Variants in SLC17A8 observed in about 807,000 individuals in gnomAD.
SLC17A8 encodes vesicular glutamate transporter 3.
A neutral mutation model predicts 58.0 loss-of-function variants in SLC17A8; 31 were observed. The observed-to-expected ratio is 0.53, with a 90% CI of 0.40 to 0.72. The LOEUF (loss-of-function observed/expected upper bound fraction) is 0.72. SLC17A8 is among the 30% of genes least tolerant of loss of function. The pLI, the probability that SLC17A8 is intolerant of heterozygous loss-of-function variation, is 0.00. For missense variants in SLC17A8, 655 were observed against 727.8 expected (o/e 0.90, Z 1.15); for synonymous variants, 228 against 249.0 (o/e 0.92, Z 0.79).
At chr12:100,408,663 C>T (rs1952843567) in intron 9 of SLC17A8, among the ~76,000 whole-genome samples, 2 of 152,056 alleles carry the variant, frequency 1.3e-5, no homozygotes, top group South Asian at 4.1e-4. Flanking sequence ...TTTTTTCTTA[C>T]AGATGAACTG....
At chr12:100,365,583 G>A (rs145920092) in intron 1 of SLC17A8, among the ~76,000 whole-genome samples, 20 of 152,306 alleles carry the variant, frequency 1.3e-4, no homozygotes, top group African/African-American at 4.3e-4. Context: ...ACCCAAAGAG[G>A]TCTGCCAACC....
intron 1 of SLC17A8, among the ~76,000 whole-genome samples, chr12:100,370,278 A>ATCTAAATT (rs1952550054): frequency 6.6e-6 from 1 of 151,054 alleles, no homozygotes; most frequent in Admixed American, 6.6e-5. Context: ...CTGTCAATTA[A>ATCTAAATT]TCTAAATTTA....
chr12:100,415,162 T>C (rs1424099855), intron 10 of SLC17A8, among the ~76,000 whole-genome samples: 1 of 151,310 alleles, frequency 6.6e-6, no homozygotes, highest in Admixed American at 6.6e-5. Context: ...TTTGTTTTCC[T>C]TTTTTTTTAG....
At position 100,380,922 on chromosome 12, in the gene SLC17A8, C is replaced by A. The variant is rs1212155738; in HGVS notation, c.323C>A (p.Thr108Asn). ...VAIVEMVNNS[T>N]VYVDGKPEIQ... is the part of the protein sequence containing the mutation. Reference sequence around the variant, plus strand: ...ATTGTGGAAATGGTCAACAATAGCACCGTATATGTTGATGGAAAACCGGAA... The same window carrying A: ...ATTGTGGAAATGGTCAACAATAGCAACGTATATGTTGATGGAAAACCGGAA... Residue 108 changes from threonine to asparagine, a missense_variant, in exon 2 of 12, where the codon ACC becomes AAC. Thr to Asn is a moderately conservative substitution (Grantham distance 65). Coordinates refer to ENST00000323346, the MANE Select transcript of SLC17A8 (RefSeq NM_139319.3). 6.2e-7 allele frequency: 1 copy of A among 1,614,082 alleles called. No individual in the cohort carries two copies. The highest frequency in any genetic ancestry group is 8.5e-7 in the Non-Finnish European group (1 of 1,180,032).
chr12:100,393,338 T>A, intron 3 of SLC17A8, 31 bp from the exon 4 acceptor site: 1 of 1,510,650 alleles, frequency 6.6e-7, no homozygotes, highest in Admixed American at 1.7e-5. Flanking sequence ...TCAGCAGACC[T>A]GCCGAATAAC....
intron 5 of SLC17A8, among the ~76,000 whole-genome samples, chr12:100,397,835 C>G (rs368733241): frequency 2.6e-5 from 4 of 151,804 alleles, no homozygotes; most frequent in African/African-American, 7.3e-5. Context: ...CCCAGCTACT[C>G]AGGAGGCCAA....
chr12:100,403,061 CT>C (rs1418718854), intron 8 of SLC17A8, among the ~76,000 whole-genome samples: 7 of 152,240 alleles, frequency 4.6e-5, no homozygotes, highest in Non-Finnish European at 8.8e-5. Context: ...TGTGGGTTTT[CT>C]TTTTTTCCTG....
intron 1 of SLC17A8, among the ~76,000 whole-genome samples, chr12:100,361,697 C>T (rs1365478954): frequency 1.3e-5 from 2 of 152,168 alleles, no homozygotes; most frequent in African/African-American, 4.8e-5. Context: ...TGTGGTGGCT[C>T]ATGCCTATAA....
At chr12:100,394,059 A>G (rs775822325) in intron 4 of SLC17A8, among the ~76,000 whole-genome samples, 2 of 152,208 alleles carry the variant, frequency 1.3e-5, no homozygotes, top group African/African-American at 4.8e-5. Flanking sequence ...TGAACTTCAT[A>G]TGATTGTTGT....
intron 2 of SLC17A8, among the ~76,000 whole-genome samples, chr12:100,382,778 A>G (rs1004267020): frequency 6.6e-6 from 1 of 152,210 alleles, no homozygotes; most frequent in Non-Finnish European, 1.5e-5. Flanking sequence ...CTTTCATGCC[A>G]TATCTATTAG....
intron 9 of SLC17A8, among the ~76,000 whole-genome samples, chr12:100,404,909 C>CTT (rs1261918441): frequency 6.6e-6 from 1 of 152,232 alleles, no homozygotes; most frequent in Admixed American, 6.5e-5. Context: ...CGCCAAAGCT[C>CTT]TTAGTTTGCG....
intron 2 of SLC17A8, among the ~76,000 whole-genome samples, chr12:100,383,986 AC>A (rs1440111830): frequency 6.6e-6 from 1 of 152,202 alleles, no homozygotes; most frequent in Non-Finnish European, 1.5e-5. Context: ...ACAAGCATGC[AC>A]CACTGTGCCT....
intron 1 of SLC17A8, among the ~76,000 whole-genome samples, chr12:100,358,137 A>G (rs1165575027): frequency 1.3e-5 from 2 of 152,184 alleles, no homozygotes; most frequent in Non-Finnish European, 2.9e-5. Context: ...TAATGGAAGG[A>G]GAGTTTGCTA....
At chr12:100,411,867 C>G (rs775188400) in intron 9 of SLC17A8, among the ~76,000 whole-genome samples, 1 of 149,880 alleles carries the variant, frequency 6.7e-6, no homozygotes, top group East Asian at 1.9e-4. Context: ...TTTTAAGAGG[C>G]CTGAGAGCTT....
rs1952453212 is a variant in SLC17A8, at chr12:100,357,314, G to A, written c.-78G>A. The A allele has an allele frequency of 1.2e-6, 1 of 850,708 alleles. No homozygotes were observed. The highest frequency in any genetic ancestry group is 2.1e-6 in the Non-Finnish European group (1 of 484,534). 52.7% of individuals were successfully genotyped at this position (850,708 alleles called of 1,614,324 possible). A position where few individuals can be genotyped will look rare whatever the true frequency, so the allele number is the denominator to read the frequency against. On this transcript the variant is annotated 5_prime_UTR_variant, in exon 1 of 12. Coordinates refer to ENST00000323346, the MANE Select transcript of SLC17A8 (RefSeq NM_139319.3). ...GGTGTTCACCAAGGGAAACAAGGTG[G>A]TTCTCACACTGGAAATGAGGAAGGA...
intron 10 of SLC17A8, among the ~76,000 whole-genome samples, chr12:100,417,022 C>A (rs1952910974): frequency 6.6e-6 from 1 of 152,198 alleles, no homozygotes; most frequent in Non-Finnish European, 1.5e-5. Flanking sequence ...TCTCCTGTCT[C>A]AGCCTCCCAA....
intron 2 of SLC17A8, among the ~76,000 whole-genome samples, chr12:100,387,450 G>C (rs1016400450): frequency 6.6e-6 from 1 of 152,134 alleles, no homozygotes; most frequent in Non-Finnish European, 1.5e-5. Context: ...GTTTTAATGG[G>C]TCTCAAATGA....
rs769092356 is a variant in SLC17A8 at position 100,402,695 on chromosome 12, A to ATGG, written c.1004_1005insGGT (p.Ile335delinsMetVal). Reference sequence around the variant, plus strand: ...AAGCTGGACCTTTTATTTGCTCCTCATAAGTCAGCCTGCTTATTTTGAAGA... The same window carrying ATGG: ...AAGCTGGACCTTTTATTTGCTCCTCATGGTAAGTCAGCCTGCTTATTTTGAAGA... On this transcript the variant is annotated protein_altering_variant, in exon 8 of 12. Coordinates refer to ENST00000323346, the MANE Select transcript of SLC17A8 (RefSeq NM_139319.3). The ATGG allele has an allele frequency of 1.2e-6, 2 of 1,614,124 alleles. No individual in the cohort carries two copies. The highest frequency in any genetic ancestry group is 1.7e-6 in the Non-Finnish European group (2 of 1,180,012).
At chr12:100,387,426 A>G (rs1952683960) in intron 2 of SLC17A8, among the ~76,000 whole-genome samples, 1 of 152,208 alleles carries the variant, frequency 6.6e-6, no homozygotes, top group Admixed American at 6.5e-5. Flanking sequence ...TCAAGTCTTT[A>G]GTCCACTATT....
Sources: allele counts gnomAD v4.1 joint callset (sites outside exome capture counted in the v4.1 genomes callset), GRCh38; gene constraint gnomAD v4.1.1; transcripts MANE v1.5; gene names NCBI Gene and HGNC (gene_info 2026-07-23, HGNC 2026-07-21).